VPS53: variants seen among roughly 807,000 people sequenced by gnomAD.
VPS53 encodes VPS53 subunit of GARP complex, also known as vacuolar protein sorting-associated protein 53 homolog.
VPS53 carries 70 observed loss-of-function variants against 107.0 expected under a neutral mutation model. The observed-to-expected ratio is 0.65, with a 90% CI of 0.54 to 0.80. VPS53 has a LOEUF of 0.80. Ranked by LOEUF, VPS53 falls within the 30% of genes least tolerant of loss-of-function variation. The pLI, the probability that VPS53 is intolerant of heterozygous loss-of-function variation, is 0.00. For synonymous variants in VPS53, 409 were observed against 393.3 expected, an observed-to-expected ratio of 1.04 and a Z score of -0.47; for missense variants, 917 against 1,049.4, an observed-to-expected ratio of 0.87 and a Z score of 1.74.
intron 13 of VPS53, among the ~76,000 whole-genome samples, chr17:564,067 T>C (rs1037469875): frequency 2.6e-5 from 4 of 151,324 alleles, no homozygotes; most frequent in Non-Finnish European, 5.9e-5. Flanking sequence ...CTGGCCAACA[T>C]GGCAAAACCC....
chr17:661,769 T>C, intron 5 of VPS53, 40 bp downstream of exon 5: 1 of 1,535,390 alleles, frequency 6.5e-7, no homozygotes, highest in African/African-American at 1.4e-5. Flanking sequence ...GCTCACTTCC[T>C]CTTTTGGTGC....
At chr17:537,599 C>T (rs9890904) in intron 17 of VPS53, 6,435 of 156,540 alleles carry the variant, frequency 0.041, 442 homozygotes, top group African/African-American at 0.15. Flanking sequence ...GACATGCAAC[C>T]TGGAGGGGAA....
At chr17:651,298 C>T (rs1243730975) in intron 7 of VPS53, among the ~76,000 whole-genome samples, 3 of 152,334 alleles carry the variant, frequency 2.0e-5, no homozygotes, top group East Asian at 3.9e-4. Context: ...TAGGTTTCAC[C>T]TGTATACATA....
At chr17:696,195 C>A (rs945931802) in intron 4 of VPS53, among the ~76,000 whole-genome samples, 2 of 152,058 alleles carry the variant, frequency 1.3e-5, no homozygotes, top group Admixed American at 1.3e-4. Context: ...AGGAAACTGG[C>A]TATCAAATGG....
chr17:665,308 C>T (rs368262837), intron 4 of VPS53, among the ~76,000 whole-genome samples: 2 of 152,302 alleles, frequency 1.3e-5, no homozygotes, highest in South Asian at 2.1e-4. Flanking sequence ...CGCGGGACGA[C>T]GCAGTGAGAA....
intron 15 of VPS53, among the ~76,000 whole-genome samples, chr17:557,854 TC>T (rs1277631835): frequency 6.7e-6 from 1 of 149,830 alleles, no homozygotes; most frequent in Non-Finnish European, 1.5e-5. Flanking sequence ...GTAAGGATTA[TC>T]TTTTTTTTTT....
At position 541,895 on chromosome 17, in the gene VPS53, T is replaced by C. The variant is rs142902018; in HGVS notation, c.1867-4719A>G. Among the ~76,000 whole-genome samples the C allele has an allele frequency of 2.6e-3, 361 of 137,224 alleles. 4 individuals carry two copies. The highest frequency in any genetic ancestry group is 5.4e-3 in the African/African-American group (189 of 35,040). 90.0% of individuals were successfully genotyped at this position (137,224 alleles called of 152,430 possible). ...AAGCACGTACTACGCACTGAAGGAA[T>C]GTTTATCAAGCACCTACCACGCACT... On this transcript the variant is annotated intron_variant, in intron 17 of 21. Coordinates refer to ENST00000437048, the MANE Select transcript of VPS53 (RefSeq NM_001128159.3).
chr17:656,826 T>C (rs1379569014), intron 5 of VPS53: 20 of 1,583,722 alleles, frequency 1.3e-5, no homozygotes, highest in South Asian at 3.3e-5. Flanking sequence ...GCCAGTCTCT[T>C]GTCTCTCTCT....
At chr17:576,305 T>A (rs936793454) in intron 13 of VPS53, among the ~76,000 whole-genome samples, 1 of 151,564 alleles carries the variant, frequency 6.6e-6, no homozygotes, top group Non-Finnish European at 1.5e-5. Flanking sequence ...CTCAATGCAT[T>A]CCCAAAGAAC....
intron 13 of VPS53, among the ~76,000 whole-genome samples, chr17:566,441 C>T (rs1011685329): frequency 6.6e-5 from 10 of 152,144 alleles, no homozygotes; most frequent in Admixed American, 2.6e-4. Flanking sequence ...GGAGGAATGA[C>T]GTTTATGCTG....
intron 2 of VPS53, among the ~76,000 whole-genome samples, chr17:709,488 T>C (rs925183165): frequency 5.9e-5 from 9 of 152,172 alleles, no homozygotes; most frequent in African/African-American, 1.9e-4. Flanking sequence ...CTCTCTGAAG[T>C]TGTGATTTTC....
chr17:534,654 A>G (rs987577747), intron 18 of VPS53, among the ~76,000 whole-genome samples: 2 of 152,248 alleles, frequency 1.3e-5, no homozygotes, highest in African/African-American at 2.4e-5. Context: ...ATGGCAGCTC[A>G]TGCCTATAAT....
chr17:598,814 C>G (rs1423056542), intron 12 of VPS53, among the ~76,000 whole-genome samples: 3 of 108,850 alleles, frequency 2.8e-5, no homozygotes, highest in African/African-American at 6.8e-5. Flanking sequence ...GCAGCCACCC[C>G]GTCTGGGAAG....
chr17:674,582 A>G (rs772164412), intron 4 of VPS53: 2 of 152,188 alleles, frequency 1.3e-5, no homozygotes, highest in African/African-American at 4.8e-5. Context: ...GAACACAGAG[A>G]GTTCTCTTCA....
chr17:651,853 T>C (rs534447166), intron 7 of VPS53, among the ~76,000 whole-genome samples: 84 of 152,322 alleles, frequency 5.5e-4, no homozygotes, highest in Non-Finnish European at 9.1e-4. Flanking sequence ...CGTCCTCCCT[T>C]GGAATCCTCA....
At position 643,834 on chromosome 17, in the gene VPS53, G is replaced by A. The variant is rs146667966; in HGVS notation, c.608+9457C>T. On this transcript the variant is annotated intron_variant, in intron 7 of 21. Coordinates refer to ENST00000437048, the MANE Select transcript of VPS53 (RefSeq NM_001128159.3). ...AGGACAACACTCATACTTGGAAACCGAGGACAACACTCATACGTGTCAACC... is the reference window on the plus strand; with the variant it reads ...AGGACAACACTCATACTTGGAAACCAAGGACAACACTCATACGTGTCAACC... Among the ~76,000 whole-genome samples, 257 of 152,256 alleles carry A rather than the reference G, an allele frequency of 1.7e-3. 1 individual carries two copies. The highest frequency in any genetic ancestry group is 5.8e-3 in the African/African-American group (241 of 41,546).
chr17:643,235 C>T (rs200105594), intron 7 of VPS53, among the ~76,000 whole-genome samples: 216 of 27,876 alleles, frequency 7.7e-3, no homozygotes, highest in Non-Finnish European at 0.012. Flanking sequence ...ACTTGGAAAC[C>T]GAGGACAACA....
At chr17:647,956 G>A (rs1366753921) in intron 7 of VPS53, among the ~76,000 whole-genome samples, 1 of 152,236 alleles carries the variant, frequency 6.6e-6, no homozygotes, top group Non-Finnish European at 1.5e-5. Flanking sequence ...CGCTGTCCGT[G>A]TCTGCACCCA....
chr17:662,520 T>C (rs1180800006), intron 4 of VPS53, among the ~76,000 whole-genome samples: 8 of 151,740 alleles, frequency 5.3e-5, no homozygotes, highest in African/African-American at 1.9e-4. Flanking sequence ...AAACCCCATC[T>C]CTACTAAAAA....
Sources: gnomAD v4.1 joint callset for allele counts (sites outside exome capture counted in the v4.1 genomes callset) on GRCh38, gnomAD v4.1.1 for gene constraint, MANE v1.5 for transcripts, NCBI Gene and HGNC (gene_info 2026-07-23, HGNC 2026-07-21) for gene names.